The following CACNB2 variants were observed in gnomAD, a reference collection of about 807,000 sequenced individuals.
The protein encoded by CACNB2 is voltage-dependent L-type calcium channel subunit beta-2.
In CACNB2, 42 loss-of-function variants were observed where a neutral mutation model predicts 73.3. That is an observed-to-expected ratio of 0.57 (90% CI 0.45 to 0.74). The LOEUF (loss-of-function observed/expected upper bound fraction) is 0.74, where lower values mean the gene tolerates loss of function less well. Ranked by LOEUF, CACNB2 falls within the 30% of genes least tolerant of loss-of-function variation. The probability of loss-of-function intolerance (pLI) is 0.00; values close to 1 mark genes in which losing one functional copy is unlikely to be tolerated. For missense variants in CACNB2, 940 were observed against 853.0 expected, an observed-to-expected ratio of 1.10 and a Z score of -1.27; for synonymous variants, 348 against 310.3, an observed-to-expected ratio of 1.12 and a Z score of -1.28.
chr10:18,292,524 C>G (rs546402095), intron 2 of CACNB2, among the ~76,000 whole-genome samples: 11 of 152,188 alleles, frequency 7.2e-5, no homozygotes, highest in Admixed American at 2.6e-4. Context: ...GGCCTGGTGG[C>G]GAGTGCCTAT....
Position 18,220,240 on chromosome 10 carries a change from G to T in CACNB2, c.213+69265G>T, listed in dbSNP as rs1186290414. On this transcript the variant is annotated intron_variant, in intron 2 of 13. Coordinates refer to ENST00000324631, the MANE Select transcript of CACNB2 (RefSeq NM_201596.3). Reference sequence around the variant, plus strand: ...ATATATATATATATATATAGAGAGAGAGAGAGAGAGAGAGAGAGAGAGAGA... The same window carrying T: ...ATATATATATATATATATAGAGAGATAGAGAGAGAGAGAGAGAGAGAGAGA... Among the ~76,000 whole-genome samples the T allele has an allele frequency of 9.5e-3, 685 of 72,032 alleles. 4 individuals carry two copies. The highest frequency in any genetic ancestry group is 0.019 in the Middle Eastern group (3 of 154). 47.3% of individuals were successfully genotyped at this position (72,032 alleles called of 152,430 possible). A position where few individuals can be genotyped will look rare whatever the true frequency, so the allele number is the denominator to read the frequency against.
chr10:18,422,378 T>C (rs2045370198), intron 3 of CACNB2, among the ~76,000 whole-genome samples: 1 of 152,266 alleles, frequency 6.6e-6, no homozygotes, highest in Non-Finnish European at 1.5e-5. Context: ...ATTGTCCTTT[T>C]TCCCTGGATT....
At chr10:18,460,594 T>A (rs957911369) in intron 3 of CACNB2, among the ~76,000 whole-genome samples, 1 of 152,010 alleles carries the variant, frequency 6.6e-6, no homozygotes, top group Admixed American at 6.5e-5. Context: ...TTTAAAAAAA[T>A]AAATAAAGGA....
chr10:18,223,803 G>C (rs1466060462), intron 2 of CACNB2, among the ~76,000 whole-genome samples: 1 of 152,104 alleles, frequency 6.6e-6, no homozygotes, highest in Admixed American at 6.6e-5. Flanking sequence ...TTCAGAGACA[G>C]AATCCTATTG....
chr10:18,535,641 C>A (rs894968661), intron 11 of CACNB2, among the ~76,000 whole-genome samples: 1 of 141,168 alleles, frequency 7.1e-6, no homozygotes, highest in Non-Finnish European at 1.7e-5. Context: ...GGCGTGGTGG[C>A]GGGTGCCTGT....
At chr10:18,501,241 T>C (rs2050177192) in intron 5 of CACNB2, among the ~76,000 whole-genome samples, 1 of 152,216 alleles carries the variant, frequency 6.6e-6, no homozygotes, top group African/African-American at 2.4e-5. Flanking sequence ...ACCTTAATCA[T>C]TTACTGAAAA....
intron 2 of CACNB2, among the ~76,000 whole-genome samples, chr10:18,229,523 G>C (rs979710797): frequency 6.6e-6 from 1 of 152,076 alleles, no homozygotes; most frequent in Non-Finnish European, 1.5e-5. Context: ...ATTTTGCTTG[G>C]TAAGATATGA....
At chr10:18,358,553 GCTCTCTCTCTCT>G (rs375264403) in intron 2 of CACNB2, among the ~76,000 whole-genome samples, 1 of 35,046 alleles carries the variant, frequency 2.9e-5, no homozygotes, top group Admixed American at 4.6e-4. Context: ...TCTCTCTCTC[GCTCTCTCTCTCT>G]CTCTCTGGAA....
At chr10:18,499,613 CAAAGAAA>C (rs1350373935) in intron 4 of CACNB2, among the ~76,000 whole-genome samples, 3 of 21,382 alleles carry the variant, frequency 1.4e-4, no homozygotes, top group Admixed American at 6.3e-4. Flanking sequence ...GATTCTGTCT[CAAAGAAA>C]AAAAAAAAAA....
At chr10:18,268,821 C>T (rs2037923908) in intron 2 of CACNB2, among the ~76,000 whole-genome samples, 1 of 152,138 alleles carries the variant, frequency 6.6e-6, no homozygotes, top group South Asian at 2.1e-4. Flanking sequence ...CTAGAAAACA[C>T]TCAACCTGAA....
chr10:18,243,975 T>A (rs1278081991), intron 2 of CACNB2, among the ~76,000 whole-genome samples: 1 of 152,216 alleles, frequency 6.6e-6, no homozygotes, highest in Non-Finnish European at 1.5e-5. Context: ...CTATGTCTCT[T>A]TACTCTTAGA....
chr10:18,330,103 A>G (rs2040743178), intron 2 of CACNB2, among the ~76,000 whole-genome samples: 1 of 152,164 alleles, frequency 6.6e-6, no homozygotes, highest in African/African-American at 2.4e-5. Flanking sequence ...GGCCTCCCAA[A>G]GTGCTGAGAT....
Position 18,498,365 on chromosome 10 carries a change from T to C in CACNB2, c.344T>C (p.Val115Ala). ...AQLEKAKTKP[V>A]AFAVRTNVSY... is the part of the protein sequence containing the mutation. ...CTTTTCCCACTTTAGACAAAGCCCG[T>C]TGCATTTGCGGTTCGGACAAATGTC... Residue 115 changes from valine to alanine, a missense_variant, in exon 4 of 14, where the codon GTT becomes GCT. Transcript: ENST00000324631. The C allele has an allele frequency of 1.2e-6, 2 of 1,614,170 alleles. No homozygotes were observed. The highest frequency in any genetic ancestry group is 1.3e-5 in the African/African-American group (1 of 75,054).
At chr10:18,324,048 G>C (rs147334427) in intron 2 of CACNB2, among the ~76,000 whole-genome samples, 12 of 152,248 alleles carry the variant, frequency 7.9e-5, no homozygotes, top group African/African-American at 2.9e-4. Flanking sequence ...CTGATCATAC[G>C]AATGAGTGTA....
intron 2 of CACNB2, among the ~76,000 whole-genome samples, chr10:18,193,727 T>G (rs2034504739): frequency 6.6e-6 from 1 of 152,104 alleles, no homozygotes; most frequent in South Asian, 2.1e-4. Flanking sequence ...GAAAGGAAAC[T>G]AAAGCTTTCT....
At chr10:18,166,173 A>G (rs1203966068) in intron 2 of CACNB2, among the ~76,000 whole-genome samples, 2 of 152,238 alleles carry the variant, frequency 1.3e-5, no homozygotes, top group African/African-American at 4.8e-5. Flanking sequence ...TATTTCTAGG[A>G]TAAATGAACA....
At chr10:18,367,430 T>A (rs1040149784) in intron 2 of CACNB2, among the ~76,000 whole-genome samples, 5 of 152,190 alleles carry the variant, frequency 3.3e-5, no homozygotes, top group African/African-American at 4.8e-5. Flanking sequence ...CATTCTTTTT[T>A]AAAAAACTTG....
At chr10:18,192,454 C>T (rs1336474995) in intron 2 of CACNB2, among the ~76,000 whole-genome samples, 1 of 152,126 alleles carries the variant, frequency 6.6e-6, no homozygotes. Flanking sequence ...CTCAAGTGAT[C>T]CTCCTGCCTT....
rs1589791471 is a variant in CACNB2, at chr10:18,542,935, C to A, written c.*3211C>A. The A allele has an allele frequency of 8.6e-6, 1 of 116,184 alleles. No individual in the cohort carries two copies. Among genetic ancestry groups the A allele is most frequent in the Non-Finnish European group, 1.8e-5 (1 of 56,826 alleles). The allele number at this position is 116,184 out of a possible 1,614,324, so 7.2% of individuals were successfully genotyped here. On this transcript the variant is annotated 3_prime_UTR_variant, in exon 14 of 14. Coordinates refer to ENST00000324631, the MANE Select transcript of CACNB2 (RefSeq NM_201596.3). ...CATTTCAGTCTTTCCTATGCTCTTT[C>A]TCTACTGCTCATTTAAGTTACTGTT... is the stretch of plus-strand genomic sequence containing the variant.
Sources: allele counts gnomAD v4.1 joint callset (sites outside exome capture counted in the v4.1 genomes callset), GRCh38; gene constraint gnomAD v4.1.1; transcripts MANE v1.5; gene names NCBI Gene and HGNC (gene_info 2026-07-23, HGNC 2026-07-21).